Variants in TENM1 observed in about 807,000 individuals in gnomAD.
TENM1 encodes teneurin-1.
In TENM1, 35 loss-of-function variants were observed where a neutral mutation model predicts 174.8. The ratio of observed to expected loss-of-function variants is 0.20; its 90% CI spans 0.15 to 0.27. The LOEUF is 0.27. Ranked by LOEUF, TENM1 falls within the 10% of genes least tolerant of loss-of-function variation. The pLI is 1.00. For missense variants in TENM1, 1,633 were observed against 2,130.1 expected, an observed-to-expected ratio of 0.77 and a Z score of 4.59; for synonymous variants, 781 against 798.7, an observed-to-expected ratio of 0.98 and a Z score of 0.37.
chrX:124,827,447 G>A (rs1196858099), intron 3 of TENM1, among the ~76,000 whole-genome samples: 2 of 112,117 alleles, frequency 1.8e-5, no homozygotes, highest in African/African-American at 3.2e-5. Context: ...TACTGCTCAA[G>A]CAGCCCCACA....
At chrX:124,420,538 C>T (rs748565386) in exon 25 of TENM1, 47 of 1,210,849 alleles carry the variant, frequency 3.9e-5, no homozygotes, top group Non-Finnish European at 4.8e-5. Flanking sequence ...TGCTGGTAAT[C>T]GCGCCCAAGT....
intron 3 of TENM1, among the ~76,000 whole-genome samples, chrX:124,768,895 T>C (rs2054590162): frequency 8.9e-6 from 1 of 112,441 alleles, no homozygotes; most frequent in South Asian, 3.6e-4. Context: ...GGATTACTTG[T>C]AGAAATCACA....
intron 18 of TENM1, among the ~76,000 whole-genome samples, chrX:124,510,745 T>C (rs1267614690): frequency 1.0e-5 from 1 of 100,404 alleles, no homozygotes; most frequent in Non-Finnish European, 2.0e-5. Context: ...CACAACTCGT[T>C]AATTGTGACC....
chrX:124,639,667 T>C (rs2050963235), intron 11 of TENM1, among the ~76,000 whole-genome samples: 1 of 111,531 alleles, frequency 9.0e-6, no homozygotes. Context: ...ATGATTATCA[T>C]ACTTACAGAG....
intron 1 of TENM1, among the ~76,000 whole-genome samples, chrX:124,958,226 C>A (rs1201097752): frequency 8.9e-6 from 1 of 112,005 alleles, no homozygotes; most frequent in Non-Finnish European, 1.9e-5. Flanking sequence ...TAGAGTCCAG[C>A]ATTCCACATA....
At chrX:124,845,232 AAG>A (rs1047938609) in intron 3 of TENM1, among the ~76,000 whole-genome samples, 34 of 112,198 alleles carry the variant, frequency 3.0e-4, no homozygotes, top group African/African-American at 7.1e-4. Flanking sequence ...ACTTTTAACT[AAG>A]ACACATATCC....
At chrX:124,965,024 T>G (rs2058706825), upstream of TENM1, among the ~76,000 whole-genome samples, 2 of 110,886 alleles carry the variant, frequency 1.8e-5, no homozygotes, top group Non-Finnish European at 3.8e-5. Flanking sequence ...AAAAAGGCTT[T>G]TAGCTTTTCA....
At chrX:124,426,584 G>A (rs2060720421) in intron 23 of TENM1, among the ~76,000 whole-genome samples, 1 of 111,711 alleles carries the variant, frequency 9.0e-6, no homozygotes, top group African/African-American at 3.3e-5. Flanking sequence ...CTCCTCTACT[G>A]CACCATGTGG....
the TENM1 span, among the ~76,000 whole-genome samples, chrX:125,076,419 G>A: frequency 8.9e-6 from 1 of 111,791 alleles, no homozygotes; most frequent in South Asian, 3.7e-4. Flanking sequence ...CCAACACAGT[G>A]ATGAATAAAC....
chrX:124,558,289 T>C (rs747153022), intron 14 of TENM1, among the ~76,000 whole-genome samples: 5 of 111,449 alleles, frequency 4.5e-5, no homozygotes, highest in Non-Finnish European at 7.5e-5. Flanking sequence ...TACTAATGAG[T>C]ATTCAAAGCT....
chrX:125,146,952 T>C, the TENM1 span, among the ~76,000 whole-genome samples: 1 of 110,943 alleles, frequency 9.0e-6, no homozygotes, highest in Non-Finnish European at 1.9e-5. Flanking sequence ...TTTTTCCACG[T>C]TTGTATTTTC....
chrX:125,179,914 T>C, the TENM1 span, among the ~76,000 whole-genome samples: 1 of 105,324 alleles, frequency 9.5e-6, no homozygotes, highest in South Asian at 4.5e-4. Context: ...ATCTAGCTTT[T>C]AGCAGTAGTC....
chrX:124,773,515 C>T (rs140730530), intron 3 of TENM1, among the ~76,000 whole-genome samples: 411 of 110,040 alleles, frequency 3.7e-3, no homozygotes, highest in African/African-American at 0.013. Context: ...GAAACAAAAG[C>T]AAAAACAAAA....
intron 23 of TENM1, among the ~76,000 whole-genome samples, chrX:124,449,721 C>A (rs1162302745): frequency 2.7e-5 from 3 of 111,676 alleles, no homozygotes; most frequent in African/African-American, 9.8e-5. Context: ...GATAGCCTGA[C>A]CCATTCAAGT....
intron 22 of TENM1, among the ~76,000 whole-genome samples, chrX:124,472,693 C>T (rs2061349176): frequency 9.0e-6 from 1 of 110,813 alleles, no homozygotes; most frequent in Non-Finnish European, 1.9e-5. Context: ...CTGGAGGATC[C>T]ATGAAGCTAA....
chrX:124,884,303 G>T (rs1454112670), intron 3 of TENM1, among the ~76,000 whole-genome samples: 1 of 109,091 alleles, frequency 9.2e-6, no homozygotes, highest in Admixed American at 9.7e-5. Flanking sequence ...AGAGGATGTT[G>T]ACCCCCAGGG....
intron 4 of TENM1, among the ~76,000 whole-genome samples, chrX:124,720,914 C>G (rs1315929541): frequency 5.4e-5 from 6 of 111,623 alleles, no homozygotes; most frequent in Non-Finnish European, 1.1e-4. Flanking sequence ...TGTTTGGGGA[C>G]CTCACCTGGA....
intron 11 of TENM1, among the ~76,000 whole-genome samples, chrX:124,603,903 T>A (rs182699334): frequency 9.0e-6 from 1 of 111,655 alleles, no homozygotes; most frequent in East Asian, 2.8e-4. Context: ...GATGTTGTTT[T>A]AATAAAAATG....
chrX:124,991,704 T>C, the TENM1 span, among the ~76,000 whole-genome samples: 80 of 271 alleles, frequency 0.3, no homozygotes, highest in Middle Eastern at 0.5. Context: ...ATATAAGCAG[T>C]CGTGTCATTA....
Sources: gnomAD v4.1 joint callset for allele counts (sites outside exome capture counted in the v4.1 genomes callset) on GRCh38, gnomAD v4.1.1 for gene constraint, MANE v1.5 for transcripts, NCBI Gene and HGNC (gene_info 2026-07-23, HGNC 2026-07-21) for gene names.